GATB: variants seen among roughly 807,000 people sequenced by gnomAD.
The protein encoded by GATB is glutamyl-tRNA amidotransferase subunit B.
Under a neutral mutation model 62.3 loss-of-function variants are expected in GATB, and 39 were observed. The observed-to-expected ratio is 0.63, with a 90% CI of 0.48 to 0.82. GATB has a LOEUF of 0.82. Among genes scored for constraint, GATB ranks in the 40% least tolerant of loss-of-function variants. The probability of loss-of-function intolerance (pLI) is 0.00; values close to 1 mark genes in which losing one functional copy is unlikely to be tolerated. For missense variants in GATB, 670 were observed against 684.0 expected, an observed-to-expected ratio of 0.98 and a Z score of 0.23; for synonymous variants, 276 against 258.9, an observed-to-expected ratio of 1.07 and a Z score of -0.63.
intron 4 of GATB, 142 bp downstream of exon 4, chr4:151,716,734 T>C: frequency 1.4e-6 from 1 of 703,178 alleles, no homozygotes. Context: ...CCAATCCCAA[T>C]GCTGATATTT....
At chr4:151,733,592 T>A (rs1489360836) in intron 2 of GATB, among the ~76,000 whole-genome samples, 2 of 152,160 alleles carry the variant, frequency 1.3e-5, no homozygotes, top group African/African-American at 4.8e-5. Context: ...AAAGAAGGAA[T>A]CTTCCCTAAT....
At chr4:151,703,303 A>G (rs544340949) in intron 8 of GATB, 1 of 152,924 alleles carries the variant, frequency 6.5e-6, no homozygotes, top group Non-Finnish European at 1.5e-5. Flanking sequence ...TCAACCTGCT[A>G]AACTCAATGA....
At chr4:151,720,708 A>G (rs1221111850) in intron 2 of GATB, 1 of 152,168 alleles carries the variant, frequency 6.6e-6, no homozygotes. Flanking sequence ...AAACAAAACT[A>G]AGACCCAAAG....
Position 151,701,417 on chromosome 4 carries a change from C to T in GATB, c.1109G>A (p.Arg370Gln), listed in dbSNP as rs199827552. The change falls in exon 9 of 13, where the codon CGG becomes CAG. Residue 370 changes from arginine to glutamine, a missense_variant. Coordinates refer to ENST00000263985, the MANE Select transcript of GATB (RefSeq NM_004564.3). ...ACTGGGGAGCTCCGGGAGTGTCTCC[C>T]GAATCTGGTCAATATTGATCACTTG... is the stretch of plus-strand genomic sequence containing the variant. ...PQQVINIDQI[R>Q]ETLPELPSVT... The T allele has an allele frequency of 5.5e-5, 88 of 1,605,304 alleles. No individual in the cohort carries two copies. The highest frequency in any genetic ancestry group is 7.2e-5 in the Non-Finnish European group (85 of 1,175,744).
At chr4:151,680,630 C>A (rs1191073286) in intron 10 of GATB, among the ~76,000 whole-genome samples, 1 of 152,198 alleles carries the variant, frequency 6.6e-6, no homozygotes, top group Non-Finnish European at 1.5e-5. Context: ...ATGGAAAAGA[C>A]AACAGTGAAT....
At chr4:151,733,771 C>T (rs1333177543) in intron 2 of GATB, among the ~76,000 whole-genome samples, 1 of 152,138 alleles carries the variant, frequency 6.6e-6, no homozygotes. Context: ...GGGTTTCATA[C>T]CAGGGATGCA....
rs1484573133 is a variant in GATB at position 151,730,581 on chromosome 4, T to C, written c.328-11043A>G. On this transcript the variant is annotated intron_variant, in intron 2 of 12. Coordinates refer to ENST00000263985, the MANE Select transcript of GATB (RefSeq NM_004564.3). The surrounding 1 kb of genome is among the most constrained non-coding windows in gnomAD (Gnocchi z 4.1). ...TATTCACGGCTGAGAGACCAATGGA[T>C]GGTTCACATCACAGGACTCTGTGCA... Among the ~76,000 whole-genome samples the C allele has an allele frequency of 1.3e-5, 2 of 152,324 alleles. No individual in the cohort carries two copies. The highest frequency in any genetic ancestry group is 3.9e-4 in the East Asian group (2 of 5,180).
intron 2 of GATB, among the ~76,000 whole-genome samples, chr4:151,724,869 C>A (rs1334544615): frequency 6.6e-6 from 1 of 151,978 alleles, no homozygotes; most frequent in Non-Finnish European, 1.5e-5. Flanking sequence ...AAATATAATA[C>A]CAAGCTGATT....
chr4:151,726,452 G>A (rs1739138954), intron 2 of GATB, among the ~76,000 whole-genome samples: 1 of 152,158 alleles, frequency 6.6e-6, no homozygotes, highest in South Asian at 2.1e-4. Context: ...ACCATCCAAA[G>A]GTACTCCTTT....
chr4:151,703,909 A>C lies in GATB; in HGVS notation c.963-14T>G. On this transcript the variant is annotated splice_polypyrimidine_tract_variant and intron_variant, in intron 7 of 12. Transcript: ENST00000263985. The stretch of plus-strand genomic sequence containing the variant: ...GACATGGTGCACCTGCAATAGTTAA[A>C]TAAGAAAACATTAAACATTGAAAGC... 1 of 1,592,052 alleles carries C rather than the reference A, an allele frequency of 6.3e-7. No homozygotes were observed. Among genetic ancestry groups the C allele is most frequent in the Non-Finnish European group, 8.6e-7 (1 of 1,160,494 alleles).
chr4:151,672,657 G>A, intron 12 of GATB, 105 bp downstream of exon 12: 1 of 1,213,738 alleles, frequency 8.2e-7, no homozygotes, highest in Non-Finnish European at 1.2e-6. Flanking sequence ...AACTGGGTCA[G>A]CCATTCTTAG....
intron 12 of GATB, 126 bp downstream of exon 12, chr4:151,672,636 A>C: frequency 1.1e-6 from 1 of 914,004 alleles, no homozygotes; most frequent in Non-Finnish European, 1.6e-6. Context: ...CAGTGAGGGA[A>C]TTATTGATGA....
intron 9 of GATB, among the ~76,000 whole-genome samples, chr4:151,692,846 G>A (rs1008668623): frequency 6.6e-6 from 1 of 152,204 alleles, no homozygotes; most frequent in Non-Finnish European, 1.5e-5. Context: ...TCCTCTAATA[G>A]GGTAAGTCCT....
At chr4:151,677,722 G>A (rs992789874) in intron 11 of GATB, 2 of 152,208 alleles carry the variant, frequency 1.3e-5, no homozygotes. Context: ...GCCCTAAAAA[G>A]GCGTGAAGGA....
Position 151,707,974 on chromosome 4 carries a change from C to G in GATB, c.877+14G>C, listed in dbSNP as rs1738746138. 12 of 1,519,362 alleles carry G rather than the reference C, an allele frequency of 7.9e-6. No individual in the cohort carries two copies. Among genetic ancestry groups the G allele is most frequent in the Non-Finnish European group, 1.1e-5 (12 of 1,093,884 alleles). The allele number at this position is 1,519,362 out of a possible 1,614,324, so 94.1% of individuals were successfully genotyped here. A position where few individuals can be genotyped will look rare whatever the true frequency, so the allele number is the denominator to read the frequency against. On this transcript the variant is annotated intron_variant, in intron 6 of 12. Coordinates refer to ENST00000263985, the MANE Select transcript of GATB (RefSeq NM_004564.3). ...ATAGGAAGAAGGACACTAGGAGCGG[C>G]AGCTGGCATTCACCTATGGCTTTGG...
chr4:151,716,985 C>T lies in GATB; in HGVS notation c.531G>A (p.Gln177=). 1 of 1,614,158 alleles carries T rather than the reference C, an allele frequency of 6.2e-7. No individual in the cohort carries two copies. Among genetic ancestry groups the T allele is most frequent in the East Asian group, 2.2e-5 (1 of 44,872 alleles). ...TGATCCTCACCGTCTTGGGGATCAC[C>T]TGACTCTGCTTCTTCCCTGCACAGA... The part of the protein sequence containing the change: ...YGVCAGKKQS[Q]VIPKTVRIKQ... Residue 177 remains glutamine, a synonymous_variant, in exon 4 of 13, where the codon CAG becomes CAA. Transcript: ENST00000263985.
intron 3 of GATB, among the ~76,000 whole-genome samples, chr4:151,718,484 T>G (rs1738958726): frequency 6.6e-6 from 1 of 152,172 alleles, no homozygotes; most frequent in Non-Finnish European, 1.5e-5. Flanking sequence ...AACCAAACTG[T>G]CTGTCACTCT....
chr4:151,727,037 CT>C (rs1251303912), intron 2 of GATB, among the ~76,000 whole-genome samples: 16 of 152,342 alleles, frequency 1.1e-4, no homozygotes, highest in Admixed American at 3.9e-4. Flanking sequence ...CCACTTTCGC[CT>C]CCCGAATAGC....
At chr4:151,707,006 T>C (rs1431589222) in intron 6 of GATB, among the ~76,000 whole-genome samples, 1 of 152,256 alleles carries the variant, frequency 6.6e-6, no homozygotes, top group Non-Finnish European at 1.5e-5. Context: ...TTAGTTATTA[T>C]ACATTTATCA....
Sources: gnomAD v4.1 joint callset for allele counts (sites outside exome capture counted in the v4.1 genomes callset) on GRCh38, gnomAD v4.1.1 for gene constraint, Gnocchi (gnomAD v3.1) non-coding constraint, MANE v1.5 for transcripts, NCBI Gene and HGNC (gene_info 2026-07-23, HGNC 2026-07-21) for gene names.